The following TMEM267 variants were observed in gnomAD, a reference collection of about 807,000 sequenced individuals.
TMEM267 encodes transmembrane protein 267.
TMEM267 carries 20 observed loss-of-function variants against 19.3 expected under a neutral mutation model. The ratio of observed to expected loss-of-function variants is 1.04; its 90% CI spans 0.73 to 1.51. The LOEUF is 1.51. Among genes scored for constraint, TMEM267 ranks in the 40% most tolerant of loss-of-function variants. The pLI is 0.00. For synonymous variants in TMEM267, 88 were observed against 90.3 expected, an observed-to-expected ratio of 0.97 and a Z score of 0.15; for missense variants, 242 against 261.9, an observed-to-expected ratio of 0.92 and a Z score of 0.52.
At chr5:43,479,451 T>C (rs1445153713) in intron 1 of TMEM267, among the ~76,000 whole-genome samples, 4 of 151,796 alleles carry the variant, frequency 2.6e-5, no homozygotes, top group Admixed American at 1.3e-4. Context: ...AAACAACTCA[T>C]ACTTGATTGT....
intron 2 of TMEM267, among the ~76,000 whole-genome samples, chr5:43,451,550 T>C (rs996985472): frequency 4.6e-5 from 7 of 152,068 alleles, no homozygotes; most frequent in Non-Finnish European, 8.8e-5. Context: ...CACAATGAGA[T>C]GCCATCACAC....
At chr5:43,448,791 C>A (rs571051347) in intron 2 of TMEM267, among the ~76,000 whole-genome samples, 2 of 149,236 alleles carry the variant, frequency 1.3e-5, no homozygotes, top group Non-Finnish European at 3.0e-5. Context: ...ACAACCCCCC[C>A]CCACAAAAAA....
intron 2 of TMEM267, among the ~76,000 whole-genome samples, chr5:43,453,300 T>C (rs896167596): frequency 6.6e-6 from 1 of 152,228 alleles, no homozygotes; most frequent in African/African-American, 2.4e-5. Flanking sequence ...GAAAGTACAC[T>C]GATACAGAAA....
chr5:43,449,377 A>G (rs141032585), intron 2 of TMEM267, among the ~76,000 whole-genome samples: 63 of 152,280 alleles, frequency 4.1e-4, no homozygotes, highest in African/African-American at 1.5e-3. Context: ...GAATACAGGC[A>G]AAAAGAAACA....
At chr5:43,467,888 C>T (rs965823856) in intron 1 of TMEM267, among the ~76,000 whole-genome samples, 8 of 152,168 alleles carry the variant, frequency 5.3e-5, no homozygotes, top group African/African-American at 1.7e-4. Flanking sequence ...CTACCTGTGA[C>T]CTGGAAGCCC....
intron 1 of TMEM267, among the ~76,000 whole-genome samples, chr5:43,477,701 G>A (rs1243845141): frequency 6.6e-6 from 1 of 152,060 alleles, no homozygotes; most frequent in African/African-American, 2.4e-5. Context: ...TATTTCCAAT[G>A]GCATTGCTGC....
chr5:43,476,018 G>C (rs1744400952), intron 1 of TMEM267: 1 of 152,116 alleles, frequency 6.6e-6, no homozygotes, highest in Non-Finnish European at 1.5e-5. Flanking sequence ...ACATTATATG[G>C]AACTCACAAA....
intron 1 of TMEM267, among the ~76,000 whole-genome samples, chr5:43,477,590 CAAAAAA>C (rs10717949): frequency 3.7e-5 from 3 of 80,608 alleles, no homozygotes; most frequent in Non-Finnish European, 7.4e-5. Flanking sequence ...GACTCCGTCT[CAAAAAA>C]AAAAAAAAAA....
At chr5:43,476,508 C>CTTTTTTTTTTTTTTTT (rs67848213) in intron 1 of TMEM267, among the ~76,000 whole-genome samples, 2 of 54,824 alleles carry the variant, frequency 3.6e-5, no homozygotes, top group Non-Finnish European at 6.3e-5. Flanking sequence ...AAAGCCAGAC[C>CTTTTTTTTTTTTTTTT]TTTTTTTTTT....
Position 43,452,585 on chromosome 5 carries a change from T to A in TMEM267, c.312+1073A>T, listed in dbSNP as rs370093075. Among the ~76,000 whole-genome samples the A allele has an allele frequency of 5.5e-3, 685 of 123,622 alleles. 1 individual carries two copies. The highest frequency in any genetic ancestry group is 7.1e-3 in the Non-Finnish European group (401 of 56,582). The allele number at this position is 123,622 out of a possible 152,430, so 81.1% of individuals were successfully genotyped here. A position where few individuals can be genotyped will look rare whatever the true frequency, so the allele number is the denominator to read the frequency against. On this transcript the variant is annotated intron_variant, in intron 2 of 2. Coordinates refer to ENST00000397080, the MANE Select transcript of TMEM267 (RefSeq NM_022483.5). ...AACTGTGCTTGTGGCCCTAAATCCA[T>A]AAAAAAAAAAAAAAAAACTGAAGAA...
At chr5:43,449,035 C>A (rs553499123) in intron 2 of TMEM267, among the ~76,000 whole-genome samples, 9 of 151,572 alleles carry the variant, frequency 5.9e-5, no homozygotes, top group African/African-American at 2.2e-4. Context: ...CAAAAACAAT[C>A]TAATAAATGA....
At chr5:43,473,308 G>A (rs535972990) in intron 1 of TMEM267, among the ~76,000 whole-genome samples, 22 of 152,182 alleles carry the variant, frequency 1.4e-4, no homozygotes, top group African/African-American at 5.1e-4. Context: ...GAAAGAGGAA[G>A]TCAAATTGTC....
chr5:43,479,680 G>A (rs959683504), intron 1 of TMEM267, among the ~76,000 whole-genome samples: 4 of 151,972 alleles, frequency 2.6e-5, no homozygotes, highest in African/African-American at 7.2e-5. Flanking sequence ...CTTATGTGAA[G>A]CGTACTTACT....
intron 1 of TMEM267, among the ~76,000 whole-genome samples, chr5:43,467,008 G>A (rs1013881550): frequency 3.3e-5 from 5 of 151,742 alleles, no homozygotes; most frequent in Admixed American, 6.6e-5. Context: ...AATTAGCTGT[G>A]TGTCGTGGCG....
chr5:43,482,630 T>C (rs1353067974), intron 1 of TMEM267, among the ~76,000 whole-genome samples: 2 of 152,210 alleles, frequency 1.3e-5, no homozygotes, highest in Admixed American at 6.5e-5. Flanking sequence ...ATCCGCAGCC[T>C]ATGAACTAAA....
chr5:43,470,138 T>C (rs924502384), intron 1 of TMEM267, among the ~76,000 whole-genome samples: 1 of 152,190 alleles, frequency 6.6e-6, no homozygotes, highest in Non-Finnish European at 1.5e-5. Context: ...AACATACATC[T>C]TTTTTGTTTT....
intron 1 of TMEM267, among the ~76,000 whole-genome samples, chr5:43,463,956 G>A (rs1263988854): frequency 6.6e-6 from 1 of 152,180 alleles, no homozygotes; most frequent in Non-Finnish European, 1.5e-5. Flanking sequence ...TCTGGCCAGA[G>A]CAATTAGGCA....
intron 1 of TMEM267, among the ~76,000 whole-genome samples, chr5:43,477,197 C>G (rs141936914): frequency 9.2e-5 from 14 of 151,984 alleles, no homozygotes; most frequent in African/African-American, 3.4e-4. Context: ...GTCTGAAAAA[C>G]AACAACAACA....
At position 43,446,193 on chromosome 5, in the gene TMEM267, C is replaced by T. The variant is rs1314249738; in HGVS notation, c.*29G>A. 2 of 1,387,510 alleles carry T rather than the reference C, an allele frequency of 1.4e-6. No individual in the cohort carries two copies. The highest frequency in any genetic ancestry group is 2.3e-5 in the East Asian group (1 of 43,480). The allele number at this position is 1,387,510 out of a possible 1,614,324, so 85.9% of individuals were successfully genotyped here. On this transcript the variant is annotated 3_prime_UTR_variant, in exon 3 of 3. Coordinates refer to ENST00000397080, the MANE Select transcript of TMEM267 (RefSeq NM_022483.5). ...TACTCTTAATTATCATCATCTGAGC[C>T]ATTTGCTTCTCTAAGACTGCCGTGT...
Sources: gnomAD v4.1 joint callset for allele counts (sites outside exome capture counted in the v4.1 genomes callset) on GRCh38, gnomAD v4.1.1 for gene constraint, MANE v1.5 for transcripts, NCBI Gene and HGNC (gene_info 2026-07-23, HGNC 2026-07-21) for gene names.